The following GLMN variants were observed in gnomAD, a reference collection of about 807,000 sequenced individuals.
GLMN encodes glomulin.
Under a neutral mutation model 87.8 loss-of-function variants are expected in GLMN, and 75 were observed. The observed-to-expected ratio is 0.85, with a 90% CI of 0.71 to 1.04. The LOEUF (loss-of-function observed/expected upper bound fraction) is 1.04, where lower values mean the gene tolerates loss of function less well. Among genes scored for constraint, GLMN ranks in the 50% least tolerant of loss-of-function variants. The pLI, the probability that GLMN is intolerant of heterozygous loss-of-function variation, is 0.00. For missense variants in GLMN, 588 were observed against 658.8 expected (o/e 0.89, Z 1.18); for synonymous variants, 206 against 221.6 (o/e 0.93, Z 0.63).
chr1:92,296,391 T>C lies in GLMN; in HGVS notation c.165+1013A>G, dbSNP rs568093692. On this transcript the variant is annotated intron_variant, in intron 3 of 18. Transcript: ENST00000370360. ...AGGGAGGCCTCAGGAAACTTAACAATCATGGCGGAAGGCACCTCTTCACAG... is the reference window on the plus strand; with the variant it reads ...AGGGAGGCCTCAGGAAACTTAACAACCATGGCGGAAGGCACCTCTTCACAG... Among the ~76,000 whole-genome samples, 4 of 152,234 alleles carry C rather than the reference T, an allele frequency of 2.6e-5. No individual in the cohort carries two copies. In the East Asian group the frequency reaches 7.7e-4, roughly 29 times the overall value.
At chr1:92,271,317 T>C (rs1557537508) in intron 8 of GLMN, 148 bp downstream of exon 8, 2 of 688,908 alleles carry the variant, frequency 2.9e-6, no homozygotes, top group Non-Finnish European at 5.1e-6. Context: ...TAACAGATTA[T>C]AGCTGGGATC....
chr1:92,299,337 T>A (rs976700412), upstream of GLMN, among the ~76,000 whole-genome samples: 1 of 152,146 alleles, frequency 6.6e-6, no homozygotes, highest in Non-Finnish European at 1.5e-5. Flanking sequence ...CCCTCACCCC[T>A]TTACGCCAGT....
At chr1:92,313,182 G>T in the GLMN span, among the ~76,000 whole-genome samples, 2 of 152,232 alleles carry the variant, frequency 1.3e-5, no homozygotes, top group Non-Finnish European at 2.9e-5. Flanking sequence ...TGTTCTTAAT[G>T]ACATCTAGAA....
chr1:92,270,745 A>G (rs1267781883), intron 8 of GLMN, among the ~76,000 whole-genome samples: 1 of 152,156 alleles, frequency 6.6e-6, no homozygotes, highest in Non-Finnish European at 1.5e-5. Flanking sequence ...ATTATAATAG[A>G]AGGATTCAAC....
the GLMN span, among the ~76,000 whole-genome samples, chr1:92,330,282 G>T: frequency 6.6e-6 from 1 of 152,018 alleles, no homozygotes; most frequent in Non-Finnish European, 1.5e-5. Context: ...TTGTAATATC[G>T]TTATCAGGTT....
intron 16 of GLMN, among the ~76,000 whole-genome samples, chr1:92,252,700 G>A (rs967024237): frequency 2.6e-5 from 4 of 151,778 alleles, no homozygotes; most frequent in Middle Eastern, 3.4e-3. Context: ...TTACCAGATC[G>A]TTTTTAAAGA....
chr1:92,281,066 T>C (rs1647983106), intron 7 of GLMN, among the ~76,000 whole-genome samples: 3 of 152,130 alleles, frequency 2.0e-5, no homozygotes, highest in Admixed American at 6.5e-5. Flanking sequence ...CCAGGAGAAC[T>C]TCCATAACCT....
At chr1:92,357,705 T>C in the GLMN span, among the ~76,000 whole-genome samples, 3 of 152,322 alleles carry the variant, frequency 2.0e-5, no homozygotes, top group Non-Finnish European at 4.4e-5. Flanking sequence ...CTAATTTTTG[T>C]ATTTTTAATA....
chr1:92,324,259 CCAAGTTA>C, the GLMN span: 1 of 1,613,948 alleles, frequency 6.2e-7, no homozygotes, highest in Non-Finnish European at 8.5e-7. Flanking sequence ...TAAACCACTG[CCAAGTTA>C]CGAGAATTTG....
At chr1:92,358,768 G>A in the GLMN span, among the ~76,000 whole-genome samples, 1 of 151,880 alleles carries the variant, frequency 6.6e-6, no homozygotes, top group East Asian at 1.9e-4. Context: ...AAAAAAAATT[G>A]TAGAGATAGG....
the GLMN span, among the ~76,000 whole-genome samples, chr1:92,360,338 G>A: frequency 6.6e-6 from 1 of 152,184 alleles, no homozygotes; most frequent in Admixed American, 6.5e-5. Context: ...AGAATGATAG[G>A]AGTGGAGACC....
chr1:92,362,671 A>G, the GLMN span, among the ~76,000 whole-genome samples: 1 of 152,180 alleles, frequency 6.6e-6, no homozygotes, highest in African/African-American at 2.4e-5. Context: ...GTGGTGGTGA[A>G]AAGACATTAC....
chr1:92,308,993 C>A, the GLMN span, among the ~76,000 whole-genome samples: 13 of 152,186 alleles, frequency 8.5e-5, no homozygotes, highest in South Asian at 2.7e-3. Flanking sequence ...TGAAGTAAAA[C>A]AGGTCTTCCT....
chr1:92,326,697 C>T, the GLMN span, among the ~76,000 whole-genome samples: 1 of 152,170 alleles, frequency 6.6e-6, no homozygotes, highest in Non-Finnish European at 1.5e-5. Flanking sequence ...AAGATTATGG[C>T]TGCCTCTGCT....
At chr1:92,305,432 C>CAAA in the GLMN span, among the ~76,000 whole-genome samples, 316 of 52,662 alleles carry the variant, frequency 6.0e-3, 29 homozygotes, top group South Asian at 0.042. Context: ...GGCTCCGTCT[C>CAAA]AAAAAAAAAA....
At chr1:92,353,001 C>T in the GLMN span, among the ~76,000 whole-genome samples, 1 of 152,176 alleles carries the variant, frequency 6.6e-6, no homozygotes, top group African/African-American at 2.4e-5. Context: ...CAAGATTCAT[C>T]CATTTTGTAG....
At chr1:92,276,364 T>C (rs1368554965) in intron 7 of GLMN, among the ~76,000 whole-genome samples, 1 of 152,132 alleles carries the variant, frequency 6.6e-6, no homozygotes. Flanking sequence ...TTATTGTTAA[T>C]CTTGTTAGGA....
At chr1:92,307,594 T>C in the GLMN span, among the ~76,000 whole-genome samples, 1 of 152,164 alleles carries the variant, frequency 6.6e-6, no homozygotes, top group South Asian at 2.1e-4. Flanking sequence ...AATGTTAAAT[T>C]TTTTCAGAAG....
chr1:92,289,119 T>A lies in GLMN; in HGVS notation c.427A>T (p.Ile143Phe), dbSNP rs1314191621. ...IQKLHNKAYS[I>F]GLALSTLWNQ... ...CAAAGGGTAGACAATGCTAATCCAA[T>A]TGAATATGCCTTGTTATGAAGTTTC... Residue 143 changes from isoleucine to phenylalanine, a missense_variant, in exon 6 of 19, where the codon ATT becomes TTT. Transcript: ENST00000370360. 3.1e-6 allele frequency: 5 copies of A among 1,605,972 alleles called. No individual in the cohort carries two copies. Among genetic ancestry groups the A allele is most frequent in the Non-Finnish European group, 4.3e-6 (5 of 1,172,746 alleles).
Sources: gnomAD v4.1 joint callset for allele counts (sites outside exome capture counted in the v4.1 genomes callset) on GRCh38, gnomAD v4.1.1 for gene constraint, MANE v1.5 for transcripts, NCBI Gene and HGNC (gene_info 2026-07-23, HGNC 2026-07-21) for gene names.